RABL6: variants seen among roughly 807,000 people sequenced by gnomAD.
RABL6 encodes the protein rab-like protein 6.
Under a neutral mutation model 72.9 loss-of-function variants are expected in RABL6, and 28 were observed. The ratio of observed to expected loss-of-function variants is 0.38; its 90% CI spans 0.28 to 0.53. The LOEUF (loss-of-function observed/expected upper bound fraction) is 0.53. Among genes scored for constraint, RABL6 ranks in the 20% least tolerant of loss-of-function variants. The pLI is 0.80. For missense variants in RABL6, 1,029 were observed against 1,008.4 expected (o/e 1.02, Z -0.28); for synonymous variants, 477 against 421.2 (o/e 1.13, Z -1.62).
At chr9:136,809,889 TC>T (rs1847969440) in intron 1 of RABL6, 1 of 156,968 alleles carries the variant, frequency 6.4e-6, no homozygotes, top group Non-Finnish European at 1.5e-5. Flanking sequence ...ATCTCAGGAC[TC>T]CTCTGTCCAG....
chr9:136,821,361 G>A, intron 1 of RABL6: 1 of 985,458 alleles, frequency 1.0e-6, no homozygotes, highest in African/African-American at 1.7e-5. Flanking sequence ...CGGGACCACC[G>A]CATGTGGAAA....
At chr9:136,825,095 A>T (rs1309213006) in intron 2 of RABL6, among the ~76,000 whole-genome samples, 1 of 152,072 alleles carries the variant, frequency 6.6e-6, no homozygotes, top group African/African-American at 2.4e-5. Flanking sequence ...CAGTCATGGG[A>T]GCTCAGGAGG....
At chr9:136,837,228 G>A (rs1293747656) in intron 8 of RABL6, 118 bp from the exon 9 acceptor site, 3 of 1,178,932 alleles carry the variant, frequency 2.5e-6, no homozygotes, top group Admixed American at 4.0e-5. Flanking sequence ...GGGGCGGGTG[G>A]CCCAGAACAC....
chr9:136,823,425 A>G, intron 1 of RABL6, 100 bp from the exon 2 acceptor site: 3 of 1,455,228 alleles, frequency 2.1e-6, no homozygotes, highest in Non-Finnish European at 2.8e-6. Flanking sequence ...AAGATGAAAC[A>G]GGTGGCAGCA....
chr9:136,823,442 G>A, intron 1 of RABL6, 83 bp from the exon 2 acceptor site: 1 of 1,540,342 alleles, frequency 6.5e-7, no homozygotes, highest in African/African-American at 1.4e-5. Context: ...AGCAGAACCG[G>A]CTCTCCTTGT....
At chr9:136,834,545 C>T (rs184624431) in intron 7 of RABL6, 2 of 857,832 alleles carry the variant, frequency 2.3e-6, no homozygotes, top group African/African-American at 1.8e-5. Flanking sequence ...GTGGTGCAAT[C>T]TTGCCTCACT....
At chr9:136,840,235 G>A in intron 14 of RABL6, 23 bp downstream of exon 14, 1 of 1,612,696 alleles carries the variant, frequency 6.2e-7, no homozygotes, top group Non-Finnish European at 8.5e-7. Flanking sequence ...CCCCTTCCTG[G>A]CAGGCCAGGA....
At position 136,835,853 on chromosome 9, in the gene RABL6, G is replaced by A; in HGVS notation, c.809+8G>A. ...GGACCAGAACTACGGCATGTATGTG[G>A]CCGGACCCGCCCGTGCGGGCGGTGT... On this transcript the variant is annotated splice_region_variant and intron_variant, in intron 8 of 14. Transcript: ENST00000311502. The A allele has an allele frequency of 6.5e-7, 1 of 1,550,310 alleles. No individual in the cohort carries two copies. The highest frequency in any genetic ancestry group is 1.2e-5 in the South Asian group (1 of 84,060).
chr9:136,815,791 A>C (rs1848107433), intron 1 of RABL6, among the ~76,000 whole-genome samples: 1 of 152,248 alleles, frequency 6.6e-6, no homozygotes, highest in Admixed American at 6.5e-5. Flanking sequence ...GGAAAGCTGC[A>C]GGAATGTGAA....
chr9:136,815,852 CTG>C (rs1848108969), intron 1 of RABL6, among the ~76,000 whole-genome samples: 1 of 152,210 alleles, frequency 6.6e-6, no homozygotes, highest in Non-Finnish European at 1.5e-5. Context: ...AAATAGAGCT[CTG>C]TGTTTTCTGC....
At chr9:136,811,243 A>G (rs1486215457) in intron 1 of RABL6, among the ~76,000 whole-genome samples, 1 of 152,184 alleles carries the variant, frequency 6.6e-6, no homozygotes, top group Admixed American at 6.5e-5. Context: ...AATCAAATAC[A>G]TTTAAGATAT....
chr9:136,839,446 C>T lies in RABL6; in HGVS notation c.1718C>T (p.Pro573Leu), dbSNP rs780736879. 6 of 1,612,538 alleles carry T rather than the reference C, an allele frequency of 3.7e-6. No homozygotes were observed. In the Admixed American group the frequency reaches 8.3e-5, roughly 22 times the overall value. The part of the protein sequence containing the change: ...AQMLSFVMDD[P>L]DFESEGSDTQ... ...ATGCTGTCCTTCGTCATGGATGACCCCGACTTTGAGAGCGAGGGATCAGAC... is the reference window on the plus strand; with the variant it reads ...ATGCTGTCCTTCGTCATGGATGACCTCGACTTTGAGAGCGAGGGATCAGAC... Residue 573 changes from proline (P) to leucine (L), a missense_variant, in exon 12 of 15, where the codon CCC becomes CTC. This residue lies in a region of RABL6 where 595 missense variants were observed against 472.4 expected (regional missense o/e 1.26). Transcript: ENST00000311502.
At chr9:136,829,543 C>T (rs1588363582) in intron 5 of RABL6, 59 bp downstream of exon 5, 19 of 1,440,466 alleles carry the variant, frequency 1.3e-5, no homozygotes, top group East Asian at 4.9e-5. Context: ...GCCCCTTGGG[C>T]GCCCTCTTTG....
At chr9:136,828,406 G>A (rs1848402272) in intron 3 of RABL6, 88 bp from the exon 4 acceptor site, 11 of 1,355,804 alleles carry the variant, frequency 8.1e-6, no homozygotes, top group African/African-American at 1.4e-5. Flanking sequence ...TGGAGCTGGG[G>A]GCTGAGTGGC....
At chr9:136,818,061 C>CA (rs35850059) in intron 1 of RABL6, among the ~76,000 whole-genome samples, 51,968 of 78,430 alleles carry the variant, frequency 0.66, 17,801 homozygotes, top group Middle Eastern at 0.71. Flanking sequence ...GACTCCATCT[C>CA]AAAAAAAAAA....
At chr9:136,810,678 A>G (rs1224910306) in intron 1 of RABL6, among the ~76,000 whole-genome samples, 1 of 151,980 alleles carries the variant, frequency 6.6e-6, no homozygotes, top group Non-Finnish European at 1.5e-5. Context: ...AGTAGCTGGG[A>G]CTATAGGCAC....
Position 136,838,959 on chromosome 9 carries a change from A to G in RABL6, c.1331A>G (p.Asp444Gly). The change falls in exon 11 of 15, where the codon GAT becomes GGT. Residue 444 changes from aspartate (D) to glycine (G), a missense_variant. By Grantham distance (94) the Asp-to-Gly change is moderately conservative (BLOSUM62 -1). Around this residue, in one of 2 missense-constraint regions of RABL6, gnomAD observed 595 missense variants for 472.4 expected, o/e 1.26. Coordinates refer to ENST00000311502, the MANE Select transcript of RABL6 (RefSeq NM_024718.5). Reference protein sequence around the residue: ...GNPMVAGFQDDVDLEDQPRGS... With the variant: ...GNPMVAGFQDGVDLEDQPRGS... ...CCGATGGTGGCAGGGTTCCAGGACG[A>G]TGTGGACCTCGAAGACCAGCCACGT... 6.2e-7 allele frequency: 1 copy of G among 1,610,840 alleles called. No individual in the cohort carries two copies. Among genetic ancestry groups the G allele is most frequent in the African/African-American group, 1.3e-5 (1 of 75,018 alleles).
intron 6 of RABL6, 65 bp from the exon 7 acceptor site, chr9:136,832,200 A>T (rs548862352): frequency 6.9e-7 from 1 of 1,451,224 alleles, no homozygotes; most frequent in African/African-American, 1.4e-5. Flanking sequence ...CTGTGGGCCC[A>T]GGGGTGATCC....
rs151177593 is a variant in RABL6, at chr9:136,838,753, G to GACT, written c.1281-154_1281-153insTAC. On this transcript the variant is annotated intron_variant, in intron 10 of 14. Transcript: ENST00000311502. Reference sequence around the variant, plus strand: ...ACCCCTTCCTGCTCAGAAGCCCTGTGACCATGAGGGGGCCTCTCCACAACA... The same window carrying GACT: ...ACCCCTTCCTGCTCAGAAGCCCTGTGACTACCATGAGGGGGCCTCTCCACAACA... Among the ~76,000 whole-genome samples, 5 of 3,294 alleles carry GACT rather than the reference G, an allele frequency of 1.5e-3. No homozygotes were observed. In the African/African-American group the frequency reaches 0.036, roughly 24 times the overall value. The allele number at this position is 3,294 out of a possible 152,430, so 2.2% of individuals were successfully genotyped here. A position where few individuals can be genotyped will look rare whatever the true frequency, so the allele number is the denominator to read the frequency against.
Sources: gnomAD v4.1 joint callset for allele counts (sites outside exome capture counted in the v4.1 genomes callset) on GRCh38, gnomAD v4.1.1 for gene constraint, gnomAD v4.1.1 regional missense constraint, MANE v1.5 for transcripts, NCBI Gene and HGNC (gene_info 2026-07-23, HGNC 2026-07-21) for gene names.